The following NAV2 variants were observed in gnomAD, a reference collection of about 807,000 sequenced individuals.
NAV2 encodes helicase, APC down-regulated 1.
NAV2 carries 54 observed loss-of-function variants against 223.2 expected under a neutral mutation model. The ratio of observed to expected loss-of-function variants is 0.24; its 90% CI spans 0.19 to 0.30. NAV2 has a LOEUF of 0.30. Among genes scored for constraint, NAV2 ranks in the 10% least tolerant of loss-of-function variants. The probability of loss-of-function intolerance (pLI) is 1.00; values close to 1 mark genes in which losing one functional copy is unlikely to be tolerated. For missense variants in NAV2, 2,806 were observed against 3,147.5 expected, an observed-to-expected ratio of 0.89 and a Z score of 2.60; for synonymous variants, 1,279 against 1,239.3, an observed-to-expected ratio of 1.03 and a Z score of -0.67.
At chr11:19,889,864 C>T (rs2041349643) in intron 5 of NAV2, among the ~76,000 whole-genome samples, 1 of 152,172 alleles carries the variant, frequency 6.6e-6, no homozygotes, top group South Asian at 2.1e-4. Context: ...GAGCCCTGCT[C>T]GCCGAAGCCT....
chr11:19,934,108 A>G lies in NAV2; in HGVS notation c.1864A>G (p.Lys622Glu). ...SSSSLASSEGKGPGGTTLNHS... is the reference protein window; with the variant it reads ...SSSSLASSEGEGPGGTTLNHS... ...TTCCAGCCTGGCGTCCTCAGAAGGA[A>G]AAGGCCCAGGAGGGACCACCCTGAA... The change falls in exon 7 of 38, where the codon AAA becomes GAA. Residue 622 changes from lysine to glutamate, a missense_variant. Coordinates refer to ENST00000349880, the MANE Select transcript of NAV2 (RefSeq NM_145117.5). 1 of 1,613,844 alleles carries G rather than the reference A, an allele frequency of 6.2e-7. No individual in the cohort carries two copies. Among genetic ancestry groups the G allele is most frequent in the Non-Finnish European group, 8.5e-7 (1 of 1,179,896 alleles).
At chr11:20,007,645 C>A (rs2053198992) in intron 11 of NAV2, among the ~76,000 whole-genome samples, 2 of 152,188 alleles carry the variant, frequency 1.3e-5, no homozygotes, top group South Asian at 2.1e-4. Flanking sequence ...GGCTGGGGGA[C>A]AAAAGCCAGC....
chr11:19,533,559 A>G (rs6483604), intron 1 of NAV2, among the ~76,000 whole-genome samples: 29,655 of 152,046 alleles, frequency 0.2, 5,734 homozygotes, highest in African/African-American at 0.51. Context: ...TGAAACCCCA[A>G]TGAAACCAGG....
intron 16 of NAV2, 151 bp downstream of exon 16, chr11:20,050,052 T>C (rs1166514198): frequency 2.9e-6 from 2 of 693,772 alleles, no homozygotes; most frequent in African/African-American, 3.5e-5. Context: ...GACATGCCAG[T>C]GAGAGTCTGT....
chr11:19,671,459 G>C (rs1240522418), intron 1 of NAV2, among the ~76,000 whole-genome samples: 2 of 152,136 alleles, frequency 1.3e-5, no homozygotes, highest in African/African-American at 4.8e-5. Flanking sequence ...GTCTCTCTGA[G>C]TGCTCCCTGC....
chr11:19,351,173 C>A, intron 1 of NAV2: 1 of 797,270 alleles, frequency 1.3e-6, no homozygotes. Flanking sequence ...TTTGCTATGT[C>A]TCGATGCTGG....
At chr11:19,825,066 G>A (rs1331298688) in intron 1 of NAV2, among the ~76,000 whole-genome samples, 1 of 151,932 alleles carries the variant, frequency 6.6e-6, no homozygotes, top group East Asian at 1.9e-4. Context: ...GCTGAGGAGG[G>A]CGATCACTTG....
chr11:20,042,828 G>A (rs188913250), intron 12 of NAV2, among the ~76,000 whole-genome samples: 57 of 152,190 alleles, frequency 3.7e-4, no homozygotes, highest in Middle Eastern at 3.4e-3. Flanking sequence ...CCCATTTACC[G>A]TGCTGCTTCT....
intron 6 of NAV2, among the ~76,000 whole-genome samples, chr11:19,907,790 T>C (rs572186207): frequency 1.3e-5 from 2 of 152,348 alleles, no homozygotes; most frequent in South Asian, 4.1e-4. Flanking sequence ...TTTCTCTGAA[T>C]ATGATTTTAT....
chr11:19,345,308 G>T, the NAV2 span, among the ~76,000 whole-genome samples: 3 of 152,248 alleles, frequency 2.0e-5, no homozygotes, highest in Admixed American at 6.5e-5. The surrounding 1 kb of genome is among the most constrained non-coding windows in gnomAD (Gnocchi z 5.2). Context: ...CGGTGTGGGC[G>T]CAGGTAGGAA....
chr11:20,062,383 G>T, intron 20 of NAV2, 24 bp downstream of exon 20: 1 of 1,584,412 alleles, frequency 6.3e-7, no homozygotes. Context: ...AATGCTGTGT[G>T]GCTGTGATCA....
At chr11:20,114,180 G>A (rs899019925) in intron 36 of NAV2, among the ~76,000 whole-genome samples, 17 of 152,182 alleles carry the variant, frequency 1.1e-4, no homozygotes, top group Non-Finnish European at 2.9e-5. Flanking sequence ...TCCACATCCA[G>A]TGACATCATG....
At chr11:19,920,898 G>A (rs1227403682) in intron 6 of NAV2, among the ~76,000 whole-genome samples, 1 of 152,002 alleles carries the variant, frequency 6.6e-6, no homozygotes, top group Non-Finnish European at 1.5e-5. Flanking sequence ...CCTCTAAATG[G>A]GTGCTTCATT....
intron 1 of NAV2, among the ~76,000 whole-genome samples, chr11:19,622,345 T>C (rs1049538973): frequency 6.6e-6 from 1 of 152,228 alleles, no homozygotes; most frequent in Non-Finnish European, 1.5e-5. Flanking sequence ...TGTCTAATGT[T>C]GACAGTGGGG....
chr11:19,872,292 C>G (rs1178848329), intron 4 of NAV2, among the ~76,000 whole-genome samples: 1 of 152,164 alleles, frequency 6.6e-6, no homozygotes, highest in Non-Finnish European at 1.5e-5. Context: ...TTAGTACCCC[C>G]AGCAACCTTA....
chr11:19,895,737 CTTT>C (rs930287918), intron 6 of NAV2, among the ~76,000 whole-genome samples: 1 of 152,154 alleles, frequency 6.6e-6, no homozygotes, highest in Non-Finnish European at 1.5e-5. Flanking sequence ...TTTATACTAA[CTTT>C]TTCAACCATC....
At chr11:19,685,110 A>G (rs2048986951) in intron 1 of NAV2, among the ~76,000 whole-genome samples, 1 of 152,174 alleles carries the variant, frequency 6.6e-6, no homozygotes, top group African/African-American at 2.4e-5. Context: ...AGGCCCTACC[A>G]TGATCCCACC....
intron 1 of NAV2, among the ~76,000 whole-genome samples, chr11:19,643,064 G>A (rs2047709581): frequency 6.6e-6 from 1 of 151,794 alleles, no homozygotes; most frequent in African/African-American, 2.4e-5. Flanking sequence ...TGTGGGGTTG[G>A]GTGTATGCAT....
intron 1 of NAV2, among the ~76,000 whole-genome samples, chr11:19,431,758 G>A (rs965025588): frequency 5.9e-5 from 9 of 152,230 alleles, no homozygotes; most frequent in Admixed American, 2.0e-4. Context: ...CTATCAAGAT[G>A]AAATATAGTA....
Sources: allele counts gnomAD v4.1 joint callset (sites outside exome capture counted in the v4.1 genomes callset), GRCh38; gene constraint gnomAD v4.1.1; non-coding constraint Gnocchi (gnomAD v3.1); transcripts MANE v1.5; gene names NCBI Gene and HGNC (gene_info 2026-07-23, HGNC 2026-07-21).